Variants in RMDN2 observed in about 807,000 individuals in gnomAD.
RMDN2 encodes regulator of microtubule dynamics 2.
RMDN2 carries 61 observed loss-of-function variants against 52.8 expected under a neutral mutation model. The ratio of observed to expected loss-of-function variants is 1.16; its 90% CI spans 0.94 to 1.43. The LOEUF is 1.43. Ranked by LOEUF, RMDN2 falls within the 40% of genes most tolerant of loss-of-function variation. The probability of loss-of-function intolerance (pLI) is 0.00; values close to 1 mark genes in which losing one functional copy is unlikely to be tolerated. For synonymous variants in RMDN2, 180 were observed against 153.1 expected, an observed-to-expected ratio of 1.18 and a Z score of -1.30; for missense variants, 592 against 475.3, an observed-to-expected ratio of 1.25 and a Z score of -2.28.
intron 2 of RMDN2, among the ~76,000 whole-genome samples, chr2:37,957,217 T>G (rs1461303911): frequency 2.6e-5 from 4 of 152,220 alleles, no homozygotes; most frequent in Non-Finnish European, 4.4e-5. Context: ...TTCTAGATCC[T>G]TGAGGAATTG....
chr2:38,020,905 C>T (rs575061488), downstream of RMDN2, among the ~76,000 whole-genome samples: 91 of 152,320 alleles, frequency 6.0e-4, no homozygotes, highest in African/African-American at 2.0e-3. Context: ...GCGCACGGTA[C>T]GGGATTGGCA....
intron 3 of RMDN2, 124 bp from the exon 4 acceptor site, chr2:37,975,088 G>C: frequency 1.5e-6 from 1 of 669,536 alleles, no homozygotes; most frequent in Admixed American, 2.7e-5. Flanking sequence ...CATATACATA[G>C]ATTCAATAAT....
In RMDN2 at chr2:37,997,449, G is replaced by A. The variant is rs1274858332; in HGVS notation, c.979G>A (p.Ala327Thr). 6.2e-7 allele frequency: 1 copy of A among 1,613,794 alleles called. No homozygotes were observed. ...SKLSWIEKKM[A>T]ATLFGKIPSS... ...ACTGAGCTGGATTGAGAAAAAAATG[G>A]CTGCTACTCTGTTTGGAAAAATACC... is the stretch of plus-strand genomic sequence containing the variant. Residue 327 changes from alanine to threonine, a missense_variant, in exon 8 of 11, where the codon GCT (alanine) becomes ACT (threonine). Coordinates refer to ENST00000354545, the MANE Select transcript of RMDN2 (RefSeq NM_001170791.3).
At chr2:38,055,720 T>G (rs970080152) in intron 10 of RMDN2, among the ~76,000 whole-genome samples, 4 of 152,286 alleles carry the variant, frequency 2.6e-5, no homozygotes, top group Non-Finnish European at 2.9e-5. Context: ...TGTGTGTGTC[T>G]TTTAAAGAAC....
chr2:38,057,202 T>C (rs979765064), intron 10 of RMDN2, among the ~76,000 whole-genome samples: 2 of 152,368 alleles, frequency 1.3e-5, no homozygotes, highest in Non-Finnish European at 1.5e-5. Context: ...GGCAAACTTT[T>C]CCTGTAAGAG....
chr2:37,987,757 T>C (rs1386507479), intron 5 of RMDN2, among the ~76,000 whole-genome samples: 4 of 152,150 alleles, frequency 2.6e-5, no homozygotes, highest in Admixed American at 1.3e-4. Context: ...TGAAGTGGGA[T>C]GTTAATAGTG....
At chr2:37,952,466 T>C in intron 2 of RMDN2, 1 of 479,518 alleles carries the variant, frequency 2.1e-6, no homozygotes, top group Admixed American at 3.7e-5. Context: ...GATGGGCTAA[T>C]CTCAGATTTC....
At chr2:38,035,804 T>C (rs1387934474) in intron 10 of RMDN2, 2 of 152,302 alleles carry the variant, frequency 1.3e-5, no homozygotes, top group East Asian at 1.9e-4. Flanking sequence ...CATAGCACCA[T>C]GATGTCCACA....
intron 1 of RMDN2, 45 bp from the exon 2 acceptor site, chr2:37,929,217 A>G (rs1666525386): frequency 8.6e-7 from 1 of 1,161,166 alleles, no homozygotes; most frequent in Non-Finnish European, 1.2e-6. Context: ...TGTCTTGGAC[A>G]AAGACATAAA....
At chr2:38,000,147 G>A (rs1224880027) in intron 8 of RMDN2, among the ~76,000 whole-genome samples, 3 of 152,130 alleles carry the variant, frequency 2.0e-5, no homozygotes, top group Non-Finnish European at 4.4e-5. Flanking sequence ...ACACCTGTAG[G>A]AGTCATCTGT....
intron 2 of RMDN2, among the ~76,000 whole-genome samples, chr2:37,954,839 C>A (rs1258133202): frequency 6.6e-6 from 1 of 152,062 alleles, no homozygotes; most frequent in East Asian, 1.9e-4. Context: ...ACAAACATGG[C>A]ATGTCTTTCT....
intron 10 of RMDN2, among the ~76,000 whole-genome samples, chr2:38,061,220 C>A (rs1682033879): frequency 6.6e-6 from 1 of 151,950 alleles, no homozygotes. Flanking sequence ...TTACATCCTC[C>A]CCATGTGAAG....
At chr2:37,932,341 T>G (rs1666832407) in intron 2 of RMDN2, among the ~76,000 whole-genome samples, 1 of 151,950 alleles carries the variant, frequency 6.6e-6, no homozygotes. Context: ...CAACCCTGGG[T>G]GGATACAGCA....
intron 2 of RMDN2, among the ~76,000 whole-genome samples, chr2:37,943,241 C>G (rs1045193211): frequency 3.9e-5 from 6 of 152,224 alleles, no homozygotes; most frequent in Middle Eastern, 3.4e-3. Flanking sequence ...TTTCTGGAAC[C>G]AGTACTGAAG....
chr2:37,971,781 G>T (rs997117913), intron 2 of RMDN2, among the ~76,000 whole-genome samples: 1 of 152,112 alleles, frequency 6.6e-6, no homozygotes, highest in Non-Finnish European at 1.5e-5. Context: ...ATCTGGTGGG[G>T]TAAGTCTTCT....
At chr2:38,007,454 A>G (rs987805387) in intron 10 of RMDN2, among the ~76,000 whole-genome samples, 4 of 152,192 alleles carry the variant, frequency 2.6e-5, no homozygotes, top group African/African-American at 9.7e-5. Context: ...GTGTCGAGGA[A>G]TTTATCCATG....
chr2:37,974,324 T>C, intron 3 of RMDN2, 110 bp downstream of exon 3: 3 of 669,336 alleles, frequency 4.5e-6, no homozygotes, highest in Non-Finnish European at 6.7e-6. Context: ...ATTTTGATGA[T>C]TGATGTAAAA....
chr2:37,977,726 C>T (rs184003090), intron 4 of RMDN2, among the ~76,000 whole-genome samples: 44 of 149,490 alleles, frequency 2.9e-4, no homozygotes, highest in South Asian at 4.3e-4. Flanking sequence ...TCAGATGGGG[C>T]GGCGGGGCAG....
chr2:38,058,708 A>G (rs750468075), intron 10 of RMDN2, among the ~76,000 whole-genome samples: 1 of 152,126 alleles, frequency 6.6e-6, no homozygotes, highest in Non-Finnish European at 1.5e-5. Context: ...AACTGAGGTT[A>G]TGGGCAGTTT....
Sources: allele counts gnomAD v4.1 joint callset (sites outside exome capture counted in the v4.1 genomes callset), GRCh38; gene constraint gnomAD v4.1.1; transcripts MANE v1.5; gene names NCBI Gene and HGNC (gene_info 2026-07-23, HGNC 2026-07-21).